ARHGAP10: variants seen among roughly 807,000 people sequenced by gnomAD.
The protein encoded by ARHGAP10 is rho GTPase-activating protein 10.
Under a neutral mutation model 108.6 loss-of-function variants are expected in ARHGAP10, and 87 were observed. That is an observed-to-expected ratio of 0.80 (90% CI 0.67 to 0.96). The LOEUF (loss-of-function observed/expected upper bound fraction) is 0.96. Among genes scored for constraint, ARHGAP10 ranks in the 40% least tolerant of loss-of-function variants. The pLI, the probability that ARHGAP10 is intolerant of heterozygous loss-of-function variation, is 0.00. For synonymous variants in ARHGAP10, 347 were observed against 341.1 expected, an observed-to-expected ratio of 1.02 and a Z score of -0.19; for missense variants, 939 against 954.5, an observed-to-expected ratio of 0.98 and a Z score of 0.21.
intron 10 of ARHGAP10, among the ~76,000 whole-genome samples, chr4:147,904,986 T>TG (rs1736416882): frequency 6.6e-6 from 1 of 152,256 alleles, no homozygotes; most frequent in Admixed American, 6.5e-5. Flanking sequence ...TGGCCAGTGA[T>TG]GGTGAGCATT....
At position 147,995,585 on chromosome 4, in the gene ARHGAP10, G is replaced by A. The variant is rs190930286; in HGVS notation, c.1717-27678G>A. ...CTCAAACATGTTTTAAGATGACAGA[G>A]TAAAGACAGATTTGTCAGCCTTACA... On this transcript the variant is annotated intron_variant, in intron 18 of 22. Transcript: ENST00000336498. 3.3e-5 allele frequency among the ~76,000 whole-genome samples: 5 copies of A among 152,272 alleles called. No homozygotes were observed. In the East Asian group the frequency reaches 7.7e-4, roughly 23 times the overall value.
At chr4:147,751,709 C>T (rs1729159379) in intron 1 of ARHGAP10, among the ~76,000 whole-genome samples, 1 of 150,544 alleles carries the variant, frequency 6.6e-6, no homozygotes, top group Non-Finnish European at 1.5e-5. Flanking sequence ...AGAGACTGTG[C>T]CCAGTGTTTT....
At chr4:148,017,562 C>A (rs1741392236) in intron 18 of ARHGAP10, among the ~76,000 whole-genome samples, 1 of 150,092 alleles carries the variant, frequency 6.7e-6, no homozygotes, top group Non-Finnish European at 1.5e-5. Flanking sequence ...TTGGGGAGAG[C>A]AGAGAGAGAT....
At position 147,955,483 on chromosome 4, in the gene ARHGAP10, A is replaced by G. The variant is rs75492156; in HGVS notation, c.1450+109A>G. 771 of 954,130 alleles carry G rather than the reference A, an allele frequency of 8.1e-4. 3 individuals are homozygous for G. In the African/African-American group the frequency reaches 0.012, roughly 14 times the overall value. The allele number at this position is 954,130 out of a possible 1,614,324, so 59.1% of individuals were successfully genotyped here. A position where few individuals can be genotyped will look rare whatever the true frequency, so the allele number is the denominator to read the frequency against. On this transcript the variant is annotated intron_variant, in intron 16 of 22. Coordinates refer to ENST00000336498, the MANE Select transcript of ARHGAP10 (RefSeq NM_024605.4). ...CTTGTTATTGCAGTTTGTGTTAAAA[A>G]TAGAAATCGCTTTAAATGATGTTTG... is the stretch of plus-strand genomic sequence containing the variant.
chr4:147,886,195 T>C (rs892280426), intron 10 of ARHGAP10, among the ~76,000 whole-genome samples: 2 of 152,222 alleles, frequency 1.3e-5, no homozygotes, highest in African/African-American at 4.8e-5. Context: ...ACCCTTCTCA[T>C]TGCAAGCATT....
intron 13 of ARHGAP10, among the ~76,000 whole-genome samples, chr4:147,936,062 A>C (rs889654360): frequency 6.6e-6 from 1 of 152,164 alleles, no homozygotes; most frequent in Non-Finnish European, 1.5e-5. Context: ...GCTTGAATGC[A>C]GAGTATGATT....
At chr4:147,781,097 G>C (rs1368542687) in intron 1 of ARHGAP10, among the ~76,000 whole-genome samples, 1 of 152,070 alleles carries the variant, frequency 6.6e-6, no homozygotes, top group Non-Finnish European at 1.5e-5. Flanking sequence ...GGTGATTCAC[G>C]CCTGTAATAC....
In ARHGAP10 at chr4:148,063,298, A is replaced by T. The variant is rs761108234; in HGVS notation, c.2178A>T (p.Glu726Asp). 1.5e-5 allele frequency: 25 copies of T among 1,614,102 alleles called. No homozygotes were observed. The highest frequency in any genetic ancestry group is 2.1e-5 in the Non-Finnish European group (25 of 1,180,020). ...CTACTGTAGCGGACAAGCCACCTGA[A>T]AGGTACGTGGTTTGGAGTGGAATGT... ...PPATVADKPP[E>D]SIRSRKARAV... is the part of the protein sequence containing the mutation. Residue 726 changes from glutamate to aspartate, a missense_variant and splice_region_variant, in exon 21 of 23, where the codon GAA becomes GAT. Physicochemically the swap from Glu to Asp is conservative, Grantham distance 45 (BLOSUM62 2). Transcript: ENST00000336498.
chr4:148,066,586 A>C (rs1053461558), intron 22 of ARHGAP10, among the ~76,000 whole-genome samples: 4 of 152,256 alleles, frequency 2.6e-5, no homozygotes, highest in Non-Finnish European at 4.4e-5. Context: ...ACATTTGTAC[A>C]TATGTACACA....
At chr4:147,994,196 A>G (rs997756943) in intron 18 of ARHGAP10, among the ~76,000 whole-genome samples, 3 of 152,234 alleles carry the variant, frequency 2.0e-5, no homozygotes, top group Non-Finnish European at 4.4e-5. Context: ...GTTTCAGTCA[A>G]CATTACTACA....
intron 13 of ARHGAP10, among the ~76,000 whole-genome samples, chr4:147,937,885 A>C (rs568736512): frequency 6.6e-6 from 1 of 152,338 alleles, no homozygotes; most frequent in South Asian, 2.1e-4. Flanking sequence ...AGGCTGAGAC[A>C]GGAGAATCAC....
intron 1 of ARHGAP10, among the ~76,000 whole-genome samples, chr4:147,761,693 C>T (rs1478843487): frequency 6.6e-6 from 1 of 152,196 alleles, no homozygotes; most frequent in Admixed American, 6.5e-5. Flanking sequence ...CAAATAACAG[C>T]AAACAGAATG....
chr4:147,899,981 T>G (rs1191592687), intron 10 of ARHGAP10, among the ~76,000 whole-genome samples: 1 of 152,090 alleles, frequency 6.6e-6, no homozygotes, highest in African/African-American at 2.4e-5. Context: ...TTTATTCACT[T>G]AAGAGCTACT....
intron 3 of ARHGAP10, among the ~76,000 whole-genome samples, chr4:147,836,240 T>A (rs112022889): frequency 1.5e-3 from 225 of 152,282 alleles, no homozygotes; most frequent in African/African-American, 5.1e-3. Context: ...CCTTTTTTTT[T>A]ATTTTTATTT....
chr4:147,778,084 C>T (rs925954872), intron 1 of ARHGAP10, among the ~76,000 whole-genome samples: 19 of 152,106 alleles, frequency 1.2e-4, no homozygotes, highest in African/African-American at 4.3e-4. Context: ...GATGTAAAAA[C>T]TACATGGGTT....
intron 18 of ARHGAP10, chr4:148,023,029 AT>A (rs1741627913): frequency 7.0e-6 from 3 of 426,738 alleles, no homozygotes; most frequent in Admixed American, 3.7e-5. Flanking sequence ...ATTATTTGAT[AT>A]ATAACAATCT....
chr4:147,942,043 C>A (rs1284828647), intron 14 of ARHGAP10, among the ~76,000 whole-genome samples: 1 of 152,008 alleles, frequency 6.6e-6, no homozygotes, highest in Non-Finnish European at 1.5e-5. Context: ...TTTTTTTCTC[C>A]AACTTTTCCC....
chr4:147,962,916 C>G (rs1305970230), intron 16 of ARHGAP10, among the ~76,000 whole-genome samples: 1 of 152,194 alleles, frequency 6.6e-6, no homozygotes, highest in Admixed American at 6.5e-5. Flanking sequence ...CTGCCTCGGC[C>G]TCCCAAAGTG....
intron 1 of ARHGAP10, among the ~76,000 whole-genome samples, chr4:147,792,876 G>A (rs910190459): frequency 1.3e-5 from 2 of 152,180 alleles, no homozygotes; most frequent in African/African-American, 2.4e-5. Flanking sequence ...TTGGCCAGGC[G>A]AGGTGGCTCA....
Sources: allele counts gnomAD v4.1 joint callset (sites outside exome capture counted in the v4.1 genomes callset), GRCh38; gene constraint gnomAD v4.1.1; transcripts MANE v1.5; gene names NCBI Gene and HGNC (gene_info 2026-07-23, HGNC 2026-07-21).